Variants in TRPC5 observed in about 807,000 individuals in gnomAD.
The protein encoded by TRPC5 is short transient receptor potential channel 5.
A neutral mutation model predicts 56.5 loss-of-function variants in TRPC5; 9 were observed. The ratio of observed to expected loss-of-function variants is 0.16; its 90% CI spans 0.10 to 0.28. The LOEUF is 0.28. Ranked by LOEUF, TRPC5 falls within the 10% of genes least tolerant of loss-of-function variation. The probability of loss-of-function intolerance (pLI) is 1.00; values close to 1 mark genes in which losing one functional copy is unlikely to be tolerated. For synonymous variants in TRPC5, 282 were observed against 278.5 expected (o/e 1.01, Z -0.13); for missense variants, 469 against 748.9 (o/e 0.63, Z 4.36).
At chrX:111,923,465 A>T (rs1400245731) in intron 2 of TRPC5, among the ~76,000 whole-genome samples, 1 of 112,126 alleles carries the variant, frequency 8.9e-6, no homozygotes, top group African/African-American at 3.2e-5. Flanking sequence ...TGTGAGTTTT[A>T]GTTTGATAAA....
At position 111,865,621 on chromosome X, in the gene TRPC5, C is replaced by T. The variant is rs750109943; in HGVS notation, c.901-11515G>A. 1.8e-3 allele frequency among the ~76,000 whole-genome samples: 197 copies of T among 111,894 alleles called. 1 individual carries two copies. The highest frequency in any genetic ancestry group is 3.2e-3 in the Non-Finnish European group (168 of 53,181). On this transcript the variant is annotated intron_variant, in intron 3 of 10. Coordinates refer to ENST00000262839, the MANE Select transcript of TRPC5 (RefSeq NM_012471.3). ...GATTACAGGAGTGAGCCACCGTGCC[C>T]GGCCAGCTTCTTAAAAGCTATAAGA... is the stretch of plus-strand genomic sequence containing the variant.
intron 1 of TRPC5, among the ~76,000 whole-genome samples, chrX:112,039,742 A>G: frequency 9.0e-6 from 1 of 111,623 alleles, no homozygotes; most frequent in Non-Finnish European, 1.9e-5. Flanking sequence ...CAACTGGAAA[A>G]AAACAGGGAC....
chrX:112,031,053 G>T lies in TRPC5; in HGVS notation c.-22+50826C>A, dbSNP rs773357071. Among the ~76,000 whole-genome samples the T allele has an allele frequency of 2.3e-3, 258 of 111,433 alleles. 1 individual carries two copies. Among genetic ancestry groups the T allele is most frequent in the Non-Finnish European group, 3.8e-3 (204 of 53,102 alleles). ...TGGGATTTGAAATCAGGTCTTTTTG[G>T]CTCTACAACCTAATGTCTATTCCAC... On this transcript the variant is annotated intron_variant, in intron 1 of 10. Transcript: ENST00000262839.
intron 3 of TRPC5, among the ~76,000 whole-genome samples, chrX:111,907,270 C>T (rs917000545): frequency 1.1e-4 from 12 of 110,507 alleles, no homozygotes; most frequent in Non-Finnish European, 2.1e-4. Flanking sequence ...AAACTATATG[C>T]CTTCAAAGAA....
intron 6 of TRPC5, among the ~76,000 whole-genome samples, chrX:111,841,769 G>A (rs1922741030): frequency 9.0e-6 from 1 of 111,115 alleles, no homozygotes; most frequent in Admixed American, 9.7e-5. Context: ...GGAGTGCAAT[G>A]GCACAATCTC....
chrX:112,007,093 G>C (rs1402244994), intron 1 of TRPC5, among the ~76,000 whole-genome samples: 1 of 110,786 alleles, frequency 9.0e-6, no homozygotes, highest in Non-Finnish European at 1.9e-5. Context: ...TCTAGGACTG[G>C]GGTGGTGGTG....
chrX:111,843,538 G>A (rs749754995), intron 6 of TRPC5, among the ~76,000 whole-genome samples: 7 of 111,586 alleles, frequency 6.3e-5, no homozygotes, highest in South Asian at 3.8e-4. Context: ...ATGTACAAAG[G>A]TCTGAAGGGC....
intron 2 of TRPC5, among the ~76,000 whole-genome samples, chrX:111,949,770 A>G (rs1183471868): frequency 3.6e-5 from 4 of 112,013 alleles, no homozygotes; most frequent in Non-Finnish European, 5.6e-5. Flanking sequence ...TACAACCACT[A>G]TGGAAAACAG....
intron 3 of TRPC5, among the ~76,000 whole-genome samples, chrX:111,907,910 C>T (rs950865787): frequency 7.2e-5 from 8 of 110,897 alleles, no homozygotes; most frequent in Non-Finnish European, 1.3e-4. Context: ...CAGTCTGATT[C>T]CTCAAATCAA....
chrX:111,842,039 C>CTCTA (rs72289513), intron 6 of TRPC5, among the ~76,000 whole-genome samples: 42,585 of 89,698 alleles, frequency 0.47, 9,437 homozygotes, highest in Non-Finnish European at 0.59. Context: ...CTATCTATAG[C>CTCTA]TCTATCTATC....
intron 7 of TRPC5, among the ~76,000 whole-genome samples, chrX:111,809,090 G>A (rs1376617827): frequency 9.1e-6 from 1 of 109,971 alleles, no homozygotes; most frequent in Non-Finnish European, 1.9e-5. Flanking sequence ...GGTCTTACCT[G>A]GAGCTATGAG....
intron 2 of TRPC5, among the ~76,000 whole-genome samples, chrX:111,926,171 CCTT>C (rs1926252268): frequency 1.8e-5 from 2 of 111,183 alleles, no homozygotes; most frequent in African/African-American, 3.3e-5. Flanking sequence ...AGTCTTAGCT[CCTT>C]CTTATTTCCC....
intron 3 of TRPC5, among the ~76,000 whole-genome samples, chrX:111,857,974 C>T (rs766718901): frequency 8.9e-6 from 1 of 112,419 alleles, no homozygotes; most frequent in Non-Finnish European, 1.9e-5. Flanking sequence ...ATCTTCAATG[C>T]CTCTGCTCTG....
At chrX:111,894,481 T>G (rs1924962158) in intron 3 of TRPC5, among the ~76,000 whole-genome samples, 1 of 111,947 alleles carries the variant, frequency 8.9e-6, no homozygotes, top group African/African-American at 3.2e-5. Context: ...ATGAGCTACT[T>G]GTAAGATATA....
chrX:111,804,825 A>G (rs1398372069), intron 7 of TRPC5, among the ~76,000 whole-genome samples: 1 of 111,760 alleles, frequency 8.9e-6, no homozygotes, highest in Non-Finnish European at 1.9e-5. Context: ...TCATTTCCCA[A>G]TTGAATATCC....
At position 111,776,522 on chromosome X, in the gene TRPC5, C is replaced by G. The variant is rs1945879814; in HGVS notation, c.2713G>C (p.Glu905Gln). The change falls in exon 11 of 11, where the codon GAA becomes CAA. Residue 905 changes from glutamate (E) to glutamine (Q), a missense_variant. This residue lies in a region of TRPC5 where 194 missense variants were observed against 221.8 expected (regional missense o/e 0.87). Transcript: ENST00000262839. ...GCAGCGCCCTGGACTTCACCTAATT[C>G]TACCTCACTGAGGTTAATTTCACTT... ...SQSEINLSEV[E>Q]LGEVQGAAQS... The G allele has an allele frequency of 8.3e-7, 1 of 1,209,595 alleles. No individual in the cohort carries two copies. Among genetic ancestry groups the G allele is most frequent in the Non-Finnish European group, 1.1e-6 (1 of 895,073 alleles).
intron 3 of TRPC5, among the ~76,000 whole-genome samples, chrX:111,886,742 A>C (rs1210409863): frequency 2.7e-5 from 3 of 112,094 alleles, no homozygotes; most frequent in Non-Finnish European, 5.6e-5. Flanking sequence ...CAATTGCCAG[A>C]AGGTACCGAG....
chrX:111,974,714 C>A lies in TRPC5; in HGVS notation c.-21-22273G>T, dbSNP rs1927872709. On this transcript the variant is annotated intron_variant, in intron 1 of 10. Coordinates refer to ENST00000262839, the MANE Select transcript of TRPC5 (RefSeq NM_012471.3). Reference sequence around the variant, plus strand: ...TTGGAGCTCCCCAAAGACCCATCACCAGAGAGCTGTGACTATATGAGCTGT... The same window carrying A: ...TTGGAGCTCCCCAAAGACCCATCACAAGAGAGCTGTGACTATATGAGCTGT... 2.7e-5 allele frequency among the ~76,000 whole-genome samples: 3 copies of A among 110,796 alleles called. No homozygotes were observed. The Admixed American group carries it at 2.9e-4, about 11-fold the overall frequency.
intron 3 of TRPC5, among the ~76,000 whole-genome samples, chrX:111,905,308 G>T (rs1335517234): frequency 9.0e-6 from 1 of 110,621 alleles, no homozygotes; most frequent in African/African-American, 3.3e-5. Flanking sequence ...TTTAAAACTG[G>T]TTTTCTTCTG....
Sources: gnomAD v4.1 joint callset for allele counts (sites outside exome capture counted in the v4.1 genomes callset) on GRCh38, gnomAD v4.1.1 for gene constraint, gnomAD v4.1.1 regional missense constraint, MANE v1.5 for transcripts, NCBI Gene and HGNC (gene_info 2026-07-23, HGNC 2026-07-21) for gene names.